The following CDKAL1 variants were observed in gnomAD, a reference collection of about 807,000 sequenced individuals.
The protein encoded by CDKAL1 is CDKAL1 threonylcarbamoyladenosine tRNA methylthiotransferase, also known as threonylcarbamoyladenosine tRNA methylthiotransferase.
A neutral mutation model predicts 68.2 loss-of-function variants in CDKAL1; 32 were observed. The observed-to-expected ratio is 0.47, with a 90% CI of 0.35 to 0.63. The LOEUF (loss-of-function observed/expected upper bound fraction) is 0.63, where lower values mean the gene tolerates loss of function less well. Ranked by LOEUF, CDKAL1 falls within the 30% of genes least tolerant of loss-of-function variation. CDKAL1 has a pLI of 0.00. For missense variants in CDKAL1, 606 were observed against 696.7 expected (o/e 0.87, Z 1.47); for synonymous variants, 234 against 244.3 (o/e 0.96, Z 0.39).
At chr6:20,621,768 C>T (rs567881771) in intron 4 of CDKAL1, among the ~76,000 whole-genome samples, 8 of 118,616 alleles carry the variant, frequency 6.7e-5, no homozygotes, top group South Asian at 2.8e-4. Flanking sequence ...CTTTGCATAC[C>T]TCAGTGTTTT....
At chr6:21,106,759 A>G (rs2150989515) in intron 12 of CDKAL1, among the ~76,000 whole-genome samples, 1 of 152,332 alleles carries the variant, frequency 6.6e-6, no homozygotes, top group South Asian at 2.1e-4. Context: ...GAACTTGAGC[A>G]TCAGCGGATT....
intron 13 of CDKAL1, among the ~76,000 whole-genome samples, chr6:21,163,066 A>T (rs1369820042): frequency 6.6e-6 from 1 of 152,220 alleles, no homozygotes; most frequent in Non-Finnish European, 1.5e-5. Flanking sequence ...AGTGAGGCCA[A>T]CTGGGACAGA....
intron 6 of CDKAL1, among the ~76,000 whole-genome samples, chr6:20,740,667 A>C (rs1337077256): frequency 6.6e-6 from 1 of 152,186 alleles, no homozygotes; most frequent in African/African-American, 2.4e-5. Flanking sequence ...TACTACTGAC[A>C]GGTTCTTGTA....
chr6:21,070,940 C>T (rs558238122), intron 12 of CDKAL1, among the ~76,000 whole-genome samples: 1 of 152,292 alleles, frequency 6.6e-6, no homozygotes, highest in Non-Finnish European at 1.5e-5. Flanking sequence ...CCGTCTGCAT[C>T]TCCAGGTGAT....
intron 4 of CDKAL1, among the ~76,000 whole-genome samples, chr6:20,617,427 T>A (rs1370744453): frequency 2.6e-5 from 4 of 152,176 alleles, no homozygotes; most frequent in South Asian, 2.1e-4. Flanking sequence ...CTATTTTTTT[T>A]TAAATTTTAC....
intron 8 of CDKAL1, among the ~76,000 whole-genome samples, chr6:20,808,730 G>A (rs1295190953): frequency 1.3e-5 from 2 of 151,978 alleles, no homozygotes; most frequent in African/African-American, 4.8e-5. Context: ...TTAGTATGAG[G>A]TAGTAACAGA....
At chr6:20,776,814 T>C (rs1775191960) in intron 7 of CDKAL1, among the ~76,000 whole-genome samples, 1 of 152,178 alleles carries the variant, frequency 6.6e-6, no homozygotes, top group Admixed American at 6.5e-5. Flanking sequence ...AAAAACAGTG[T>C]AAGTCTGTGG....
chr6:20,994,878 G>T (rs1767021519), intron 10 of CDKAL1, among the ~76,000 whole-genome samples: 1 of 152,222 alleles, frequency 6.6e-6, no homozygotes, highest in African/African-American at 2.4e-5. Context: ...TCAGAGTGGT[G>T]ATTGCTAAAG....
At chr6:21,067,347 C>G (rs1283927689) in intron 12 of CDKAL1, among the ~76,000 whole-genome samples, 1 of 152,200 alleles carries the variant, frequency 6.6e-6, no homozygotes, top group African/African-American at 2.4e-5. Context: ...TTTTGCATAA[C>G]ATTATGTTGG....
At chr6:21,096,324 G>A (rs550367347) in intron 12 of CDKAL1, among the ~76,000 whole-genome samples, 4 of 152,228 alleles carry the variant, frequency 2.6e-5, no homozygotes, top group African/African-American at 7.2e-5. Flanking sequence ...TCCCTTGGGT[G>A]CGATGTGGAT....
At chr6:20,898,545 G>A (rs1164177600) in intron 9 of CDKAL1, among the ~76,000 whole-genome samples, 4 of 151,458 alleles carry the variant, frequency 2.6e-5, no homozygotes, top group South Asian at 4.2e-4. Flanking sequence ...TAATTCTGAC[G>A]TGGCCTTACT....
intron 9 of CDKAL1, among the ~76,000 whole-genome samples, chr6:20,870,252 C>T (rs960414162): frequency 1.3e-5 from 2 of 152,220 alleles, no homozygotes; most frequent in African/African-American, 4.8e-5. Flanking sequence ...AATTTCCCAT[C>T]ACTCATTTCC....
intron 13 of CDKAL1, among the ~76,000 whole-genome samples, chr6:21,149,698 C>G (rs1161228877): frequency 6.6e-6 from 1 of 152,046 alleles, no homozygotes; most frequent in Non-Finnish European, 1.5e-5. Context: ...AAAGTGACTG[C>G]GTTCACTGAG....
At chr6:20,637,390 CCA>C (rs1767956301) in intron 4 of CDKAL1, among the ~76,000 whole-genome samples, 1 of 152,036 alleles carries the variant, frequency 6.6e-6, no homozygotes, top group Admixed American at 6.5e-5. Flanking sequence ...TGGTGAAACC[CCA>C]CCTCAACTAA....
chr6:21,177,921 A>G (rs928225149), intron 13 of CDKAL1, among the ~76,000 whole-genome samples: 1 of 152,170 alleles, frequency 6.6e-6, no homozygotes, highest in Non-Finnish European at 1.5e-5. Flanking sequence ...ATTCTGTAGT[A>G]TTTTAGTTAA....
At chr6:20,696,057 T>C (rs961827356) in intron 5 of CDKAL1, among the ~76,000 whole-genome samples, 2 of 152,254 alleles carry the variant, frequency 1.3e-5, no homozygotes, top group African/African-American at 4.8e-5. Context: ...AAAATAGATT[T>C]GTAAAAGCCA....
At chr6:20,535,229 A>T (rs879935177) in intron 1 of CDKAL1, 122 bp from the exon 2 acceptor site, 1 of 152,402 alleles carries the variant, frequency 6.6e-6, no homozygotes, top group Admixed American at 6.5e-5. Flanking sequence ...ATGGAGCATC[A>T]TTAATCCTGC....
intron 6 of CDKAL1, among the ~76,000 whole-genome samples, chr6:20,741,202 T>C (rs914564244): frequency 6.6e-6 from 1 of 152,032 alleles, no homozygotes; most frequent in Non-Finnish European, 1.5e-5. Context: ...TATTTGCCAA[T>C]GTCACAGCTT....
chr6:20,893,864 G>C (rs909875256), intron 9 of CDKAL1, among the ~76,000 whole-genome samples: 3 of 152,104 alleles, frequency 2.0e-5, no homozygotes, highest in Non-Finnish European at 2.9e-5. Context: ...TGATGATGAT[G>C]ATCATGAGTA....
Sources: gnomAD v4.1 joint callset for allele counts (sites outside exome capture counted in the v4.1 genomes callset) on GRCh38, gnomAD v4.1.1 for gene constraint, MANE v1.5 for transcripts, NCBI Gene and HGNC (gene_info 2026-07-23, HGNC 2026-07-21) for gene names.